NLRP5: variants seen among roughly 807,000 people sequenced by gnomAD.
NLRP5 encodes the protein NLR family pyrin domain containing 5.
NLRP5 carries 93 observed loss-of-function variants against 113.1 expected under a neutral mutation model. That is an observed-to-expected ratio of 0.82 (90% CI 0.70 to 0.98). NLRP5 has a LOEUF of 0.98. Among genes scored for constraint, NLRP5 ranks in the 50% least tolerant of loss-of-function variants. The pLI is 0.00. For missense variants in NLRP5, 1,808 were observed against 1,514.3 expected, an observed-to-expected ratio of 1.19 and a Z score of -3.22; for synonymous variants, 751 against 600.7, an observed-to-expected ratio of 1.25 and a Z score of -3.66.
At chr19:56,041,754 C>T (rs748994619) in intron 11 of NLRP5, among the ~76,000 whole-genome samples, 1 of 152,034 alleles carries the variant, frequency 6.6e-6, no homozygotes, top group Non-Finnish European at 1.5e-5. Flanking sequence ...TCAAGACCAG[C>T]CTGGCCAACA....
upstream of NLRP5, among the ~76,000 whole-genome samples, chr19:55,995,081 C>T (rs898654352): frequency 2.6e-5 from 4 of 151,944 alleles, no homozygotes; most frequent in African/African-American, 9.7e-5. Flanking sequence ...AAGCTGGAAA[C>T]TATCATTCTG....
intron 11 of NLRP5, among the ~76,000 whole-genome samples, chr19:56,048,515 T>A (rs1983807511): frequency 9.0e-6 from 1 of 111,430 alleles, no homozygotes; most frequent in South Asian, 2.8e-4. Flanking sequence ...TCTTGGCTGA[T>A]ACTTGTTTTG....
chr19:56,025,436 C>T (rs2082448), intron 6 of NLRP5, among the ~76,000 whole-genome samples: 72,958 of 150,378 alleles, frequency 0.49, 17,954 homozygotes, highest in East Asian at 0.6. Flanking sequence ...GATGGAGTCT[C>T]GCTCTGTCGC....
chr19:56,017,026 C>T (rs148357364), intron 4 of NLRP5, among the ~76,000 whole-genome samples: 27 of 152,246 alleles, frequency 1.8e-4, no homozygotes, highest in African/African-American at 5.8e-4. Flanking sequence ...GCAGGATGGT[C>T]TCAGTCTCTT....
In NLRP5 at chr19:56,037,616, C is replaced by T. The variant is rs555484561; in HGVS notation, c.2616-409C>T. 2.2e-4 allele frequency among the ~76,000 whole-genome samples: 33 copies of T among 150,478 alleles called. No individual in the cohort carries two copies. The South Asian group carries it at 6.3e-3, about 29-fold the overall frequency. On this transcript the variant is annotated intron_variant, in intron 9 of 14. Coordinates refer to ENST00000390649, the MANE Select transcript of NLRP5 (RefSeq NM_153447.4). ...GCTGAGGCAGGAGACTCGCTTCAAT[C>T]CGGGAGATGGAGATTGCAGTGAGCC...
rs761333510 is a variant in NLRP5 at position 56,027,000 on chromosome 19, C to G, written c.767C>G (p.Thr256Ser). The G allele has an allele frequency of 6.4e-7, 1 of 1,551,798 alleles. No homozygotes were observed. The highest frequency in any genetic ancestry group is 8.7e-7 in the Non-Finnish European group (1 of 1,147,042). Residue 256 changes from threonine (T) to serine (S), a missense_variant, in exon 7 of 15, where the codon ACT (threonine) becomes AGT (serine). By Grantham distance (58) the Thr-to-Ser change is moderately conservative. Coordinates refer to ENST00000390649, the MANE Select transcript of NLRP5 (RefSeq NM_153447.4). Reference sequence around the variant, plus strand: ...GATGTACGTCGTAGTTTTGAAAACACTGCTGCTGACTGGCCGGAAATGCAA... The same window carrying G: ...GATGTACGTCGTAGTTTTGAAAACAGTGCTGCTGACTGGCCGGAAATGCAA...
chr19:56,005,436 T>TATATACACATACAC (rs1463493719), intron 2 of NLRP5, among the ~76,000 whole-genome samples: 1 of 147,834 alleles, frequency 6.8e-6, no homozygotes, highest in African/African-American at 2.5e-5. Context: ...CACATATTTA[T>TATATACACATACAC]ATATACACAT....
intron 2 of NLRP5, among the ~76,000 whole-genome samples, chr19:56,005,115 T>C (rs1373613994): frequency 7.0e-6 from 1 of 142,104 alleles, no homozygotes; most frequent in Admixed American, 7.2e-5. Context: ...AAAATATATA[T>C]ATATATATAT....
At chr19:56,013,219 G>A (rs1982267081) in intron 3 of NLRP5, among the ~76,000 whole-genome samples, 1 of 152,074 alleles carries the variant, frequency 6.6e-6, no homozygotes, top group African/African-American at 2.4e-5. Context: ...TTGAGATGGA[G>A]TCGTGCTCTG....
upstream of NLRP5, among the ~76,000 whole-genome samples, chr19:55,998,543 C>T (rs1324589025): frequency 6.6e-6 from 1 of 151,302 alleles, no homozygotes; most frequent in African/African-American, 2.4e-5. Context: ...ATCCCAGCTA[C>T]TCTGGAGGCT....
chr19:55,990,079 CTTTTT>C, the NLRP5 span, among the ~76,000 whole-genome samples: 27 of 95,958 alleles, frequency 2.8e-4, no homozygotes, highest in African/African-American at 5.2e-4. Context: ...TTTCTTTTTT[CTTTTT>C]TTTTTTTTTT....
At chr19:56,058,178 GGT>G in intron 13 of NLRP5, 60 bp from the exon 14 acceptor site, 1 of 1,241,576 alleles carries the variant, frequency 8.1e-7, no homozygotes, top group Non-Finnish European at 1.1e-6. Context: ...AATTCATACG[GGT>G]TGAATGAAGG....
At chr19:55,996,314 C>T (rs1042703482), upstream of NLRP5, among the ~76,000 whole-genome samples, 5 of 152,070 alleles carry the variant, frequency 3.3e-5, no homozygotes, top group East Asian at 1.9e-4. Context: ...GTTTCTTCTG[C>T]GTCTTATCAT....
At chr19:56,019,607 C>T (rs1269471162) in intron 5 of NLRP5, among the ~76,000 whole-genome samples, 1 of 152,064 alleles carries the variant, frequency 6.6e-6, no homozygotes, top group Non-Finnish European at 1.5e-5. Flanking sequence ...CAGTCAGATA[C>T]TATGAAGACA....
chr19:56,019,778 C>T (rs1340894275), intron 5 of NLRP5, among the ~76,000 whole-genome samples: 1 of 151,818 alleles, frequency 6.6e-6, no homozygotes, highest in Non-Finnish European at 1.5e-5. Flanking sequence ...TACATGAATA[C>T]CTGCCATTGA....
chr19:56,052,920 G>A (rs1046505409), intron 12 of NLRP5, among the ~76,000 whole-genome samples: 8 of 152,146 alleles, frequency 5.3e-5, no homozygotes, highest in African/African-American at 1.2e-4. Context: ...AGCAAACTCT[G>A]CTGTGCTCAT....
chr19:56,029,360 G>A (rs1242075115), intron 7 of NLRP5, among the ~76,000 whole-genome samples: 15 of 152,040 alleles, frequency 9.9e-5, no homozygotes, highest in East Asian at 1.9e-4. Flanking sequence ...TCTGCCTCCC[G>A]GGTTCAAGCG....
chr19:56,030,916 A>G (rs1040711294), intron 7 of NLRP5, among the ~76,000 whole-genome samples: 7 of 151,346 alleles, frequency 4.6e-5, no homozygotes, highest in Non-Finnish European at 8.8e-5. Flanking sequence ...GTTTCACCAT[A>G]TTGGCCAGGC....
rs71183002 is a variant in NLRP5, at chr19:56,013,596, GTTT to G, written c.509-2127_509-2125del. ...CATTTATCACATGATGGACATTTGG[GTTT>G]TTTTTTTTTTTTTTTTTTGCTATTA... On this transcript the variant is annotated intron_variant, in intron 3 of 14. Transcript: ENST00000390649. 1.0e-3 allele frequency among the ~76,000 whole-genome samples: 61 copies of G among 59,286 alleles called. 2 individuals are homozygous for G. Among genetic ancestry groups the G allele is most frequent in the Middle Eastern group, 0.015 (1 of 68 alleles). 38.9% of individuals were successfully genotyped at this position (59,286 alleles called of 152,430 possible).
Sources: allele counts gnomAD v4.1 joint callset (sites outside exome capture counted in the v4.1 genomes callset), GRCh38; gene constraint gnomAD v4.1.1; transcripts MANE v1.5; gene names NCBI Gene and HGNC (gene_info 2026-07-23, HGNC 2026-07-21).